FSTL5: variants seen among roughly 807,000 people sequenced by gnomAD.
The protein encoded by FSTL5 is follistatin like 5.
Under a neutral mutation model 89.1 loss-of-function variants are expected in FSTL5, and 62 were observed. That is an observed-to-expected ratio of 0.70 (90% CI 0.57 to 0.86). The LOEUF is 0.86. FSTL5 is among the 40% of genes least tolerant of loss of function. FSTL5 has a pLI of 0.00. For synonymous variants in FSTL5, 383 were observed against 346.2 expected, an observed-to-expected ratio of 1.11 and a Z score of -1.18; for missense variants, 1,057 against 1,001.6, an observed-to-expected ratio of 1.06 and a Z score of -0.75.
At chr4:162,007,050 G>A (rs1416839332) in intron 3 of FSTL5, among the ~76,000 whole-genome samples, 2 of 151,800 alleles carry the variant, frequency 1.3e-5, no homozygotes, top group Non-Finnish European at 3.0e-5. Context: ...TTAAGAAGGT[G>A]GGTCTATTAA....
intron 2 of FSTL5, among the ~76,000 whole-genome samples, chr4:162,050,581 C>T (rs1480026594): frequency 6.7e-6 from 1 of 149,764 alleles, no homozygotes; most frequent in African/African-American, 2.4e-5. Context: ...TTGAAAATCA[C>T]TCTTGGAAAA....
rs1729580862 is a variant in FSTL5, at chr4:162,070,637, C to T, written c.127-36979G>A. ...TTTCTCCAATGTATATTCTTGGCACCTTTGTGGAAAATCAGCTGCCTGAAA... is the reference window on the plus strand; with the variant it reads ...TTTCTCCAATGTATATTCTTGGCACTTTTGTGGAAAATCAGCTGCCTGAAA... On this transcript the variant is annotated intron_variant, in intron 2 of 15. Coordinates refer to ENST00000306100, the MANE Select transcript of FSTL5 (RefSeq NM_020116.5). Among the ~76,000 whole-genome samples, 3 of 151,738 alleles carry T rather than the reference C, an allele frequency of 2.0e-5. No homozygotes were observed. The South Asian group carries it at 6.2e-4, about 31-fold the overall frequency.
At chr4:161,476,504 T>C (rs754942152) in intron 13 of FSTL5, among the ~76,000 whole-genome samples, 11 of 152,138 alleles carry the variant, frequency 7.2e-5, no homozygotes, top group Non-Finnish European at 1.0e-4. Context: ...TGCTGTTTTT[T>C]TAATTGCAAT....
chr4:162,036,180 A>C (rs996234214), intron 2 of FSTL5, among the ~76,000 whole-genome samples: 4 of 152,034 alleles, frequency 2.6e-5, no homozygotes, highest in Non-Finnish European at 5.9e-5. Flanking sequence ...CAACCTCACC[A>C]TTGAACTTCA....
chr4:162,010,779 T>A (rs1480691281), intron 3 of FSTL5, among the ~76,000 whole-genome samples: 4 of 152,244 alleles, frequency 2.6e-5, no homozygotes, highest in African/African-American at 9.6e-5. Flanking sequence ...CAGTACCTCA[T>A]TTTTTATTAC....
At chr4:161,956,403 T>G (rs888762161) in intron 3 of FSTL5, among the ~76,000 whole-genome samples, 4 of 151,820 alleles carry the variant, frequency 2.6e-5, no homozygotes, top group African/African-American at 9.7e-5. Flanking sequence ...AAAAGCAAAT[T>G]TTGTAAAGGT....
intron 1 of FSTL5, among the ~76,000 whole-genome samples, chr4:162,115,250 G>T (rs1307624556): frequency 6.6e-6 from 1 of 152,100 alleles, no homozygotes; most frequent in African/African-American, 2.4e-5. Flanking sequence ...TTATCAAACA[G>T]TAACCTAAAT....
In FSTL5 at chr4:161,735,261, G is replaced by A. The variant is rs189498950; in HGVS notation, c.727+24150C>T. Among the ~76,000 whole-genome samples the A allele has an allele frequency of 2.4e-4, 36 of 152,250 alleles. No individual in the cohort carries two copies. In the East Asian group the frequency reaches 5.0e-3, roughly 21 times the overall value. On this transcript the variant is annotated intron_variant, in intron 6 of 15. Transcript: ENST00000306100. ...ATAGGGTGAGGTATGGGGAAGGCGC[G>A]AGAAGGTTCTATGCCTTCCCAAGCA...
At chr4:161,796,345 T>C (rs1323046384) in intron 4 of FSTL5, among the ~76,000 whole-genome samples, 3 of 151,744 alleles carry the variant, frequency 2.0e-5, no homozygotes, top group South Asian at 2.1e-4. Flanking sequence ...CCAAGACTTC[T>C]TAGGAAGCCT....
At position 162,109,376 on chromosome 4, in the gene FSTL5, C is replaced by T. The variant is rs528441174; in HGVS notation, c.126+1895G>A. Among the ~76,000 whole-genome samples, 6 of 152,194 alleles carry T rather than the reference C, an allele frequency of 3.9e-5. 1 individual carries two copies. In the East Asian group the frequency reaches 1.2e-3, roughly 29 times the overall value. ...TTTCTCACACAAACAGACACACACA[C>T]ATTCACCAAATCTCATCTCTGCTCA... On this transcript the variant is annotated intron_variant, in intron 2 of 15. Coordinates refer to ENST00000306100, the MANE Select transcript of FSTL5 (RefSeq NM_020116.5).
At chr4:161,881,400 A>C (rs1732626145) in intron 4 of FSTL5, among the ~76,000 whole-genome samples, 1 of 151,884 alleles carries the variant, frequency 6.6e-6, no homozygotes, top group African/African-American at 2.4e-5. Context: ...TATTCCTTAG[A>C]GTTTTAAGAA....
At position 161,718,584 on chromosome 4, in the gene FSTL5, A is replaced by G. The variant is rs573745109; in HGVS notation, c.727+40827T>C. ...GCTGTGACTACAGGTGCGTGCCACC[A>G]TGCCCGGCTACTTTTTTGTATTTTT... On this transcript the variant is annotated intron_variant, in intron 6 of 15. Coordinates refer to ENST00000306100, the MANE Select transcript of FSTL5 (RefSeq NM_020116.5). 3.3e-5 allele frequency among the ~76,000 whole-genome samples: 5 copies of G among 152,122 alleles called. No homozygotes were observed. The East Asian group carries it at 9.7e-4, about 30-fold the overall frequency.
chr4:161,522,065 T>A (rs921224868), intron 10 of FSTL5, among the ~76,000 whole-genome samples: 11 of 151,964 alleles, frequency 7.2e-5, no homozygotes, highest in African/African-American at 2.4e-4. Flanking sequence ...TCTCTCCCCT[T>A]CGTTTCAGTC....
intron 10 of FSTL5, among the ~76,000 whole-genome samples, chr4:161,530,502 T>C (rs10016684): frequency 0.042 from 4,393 of 104,616 alleles, 582 homozygotes; most frequent in African/African-American, 0.12. Context: ...AAGTATGAAC[T>C]ATCAAAATAT....
Position 161,385,846 on chromosome 4 carries a change from C to T in FSTL5, c.2445G>A (p.Lys815=). 6.2e-7 allele frequency: 1 copy of T among 1,613,706 alleles called. No individual in the cohort carries two copies. The highest frequency in any genetic ancestry group is 8.5e-7 in the Non-Finnish European group (1 of 1,179,824). The change falls in exon 16 of 16, where the codon AAG becomes AAA. Residue 815 remains lysine (K), a synonymous_variant. Coordinates refer to ENST00000306100, the MANE Select transcript of FSTL5 (RefSeq NM_020116.5). ...LFGQYLMTPS[K]DSLFILDGRL... ...GTCCATCTAGGATGAAGAGAGAGTC[C>T]TTGGAAGGTGTCATCAGGTATTGAC...
intron 13 of FSTL5, among the ~76,000 whole-genome samples, chr4:161,473,098 G>A (rs1385884129): frequency 6.6e-6 from 1 of 152,132 alleles, no homozygotes; most frequent in Non-Finnish European, 1.5e-5. Context: ...TGTTCCATGA[G>A]CTCTTGAAAG....
chr4:161,411,376 GAA>G (rs573693443), intron 15 of FSTL5, among the ~76,000 whole-genome samples: 2 of 141,714 alleles, frequency 1.4e-5, no homozygotes, highest in African/African-American at 5.2e-5. Flanking sequence ...GGCAGAGACG[GAA>G]AAAAAAAAAA....
At chr4:162,011,106 T>C (rs992975085) in intron 3 of FSTL5, among the ~76,000 whole-genome samples, 2 of 152,112 alleles carry the variant, frequency 1.3e-5, no homozygotes, top group African/African-American at 4.8e-5. Context: ...TTTATTTGCC[T>C]CTAATTGTTA....
intron 2 of FSTL5, among the ~76,000 whole-genome samples, chr4:162,101,258 A>G (rs1053744012): frequency 2.6e-5 from 4 of 152,248 alleles, no homozygotes; most frequent in African/African-American, 9.6e-5. Flanking sequence ...GTATGTTTTC[A>G]GTAAATTCAT....
Sources: gnomAD v4.1 joint callset for allele counts (sites outside exome capture counted in the v4.1 genomes callset) on GRCh38, gnomAD v4.1.1 for gene constraint, MANE v1.5 for transcripts, NCBI Gene and HGNC (gene_info 2026-07-23, HGNC 2026-07-21) for gene names.